The following GRIP1 variants were observed in gnomAD, a reference collection of about 807,000 sequenced individuals.
The protein encoded by GRIP1 is glutamate receptor interacting protein 1, also known as glutamate receptor-interacting protein 1.
Under a neutral mutation model 129.9 loss-of-function variants are expected in GRIP1, and 45 were observed. The ratio of observed to expected loss-of-function variants is 0.35; its 90% CI spans 0.27 to 0.44. The LOEUF (loss-of-function observed/expected upper bound fraction) is 0.44. GRIP1 is among the 20% of genes least tolerant of loss of function. GRIP1 has a pLI of 1.00. For missense variants in GRIP1, 1,196 were observed against 1,396.8 expected (o/e 0.86, Z 2.29); for synonymous variants, 530 against 520.8 (o/e 1.02, Z -0.24).
chr12:66,564,908 G>T (rs1054365363), intron 2 of GRIP1, among the ~76,000 whole-genome samples: 3 of 152,206 alleles, frequency 2.0e-5, no homozygotes, highest in African/African-American at 7.2e-5. Context: ...TGTGCCTGTT[G>T]GCTACAGAAA....
At chr12:66,563,195 T>C (rs115757391) in intron 2 of GRIP1, among the ~76,000 whole-genome samples, 2,309 of 152,252 alleles carry the variant, frequency 0.015, 65 homozygotes, top group African/African-American at 0.053. Flanking sequence ...TGTGTATATA[T>C]ACACATATAA....
intron 1 of GRIP1, among the ~76,000 whole-genome samples, chr12:66,851,398 A>C (rs1162849258): frequency 1.3e-5 from 2 of 152,124 alleles, no homozygotes; most frequent in African/African-American, 4.8e-5. Flanking sequence ...CTGTCTATCC[A>C]AGAGCTCAGC....
intron 1 of GRIP1, among the ~76,000 whole-genome samples, chr12:66,649,607 A>C (rs1326856144): frequency 2.0e-5 from 3 of 152,252 alleles, no homozygotes; most frequent in African/African-American, 7.2e-5. Flanking sequence ...TAACCCAAGG[A>C]AAGGCATGCT....
At chr12:67,044,899 T>G (rs1019365746) in intron 1 of GRIP1, among the ~76,000 whole-genome samples, 3 of 152,240 alleles carry the variant, frequency 2.0e-5, no homozygotes, top group African/African-American at 7.2e-5. Context: ...CAGAATGCTT[T>G]ATATATGTTA....
At chr12:66,587,599 C>CGAGT (rs1314737442) in intron 2 of GRIP1, among the ~76,000 whole-genome samples, 1 of 152,152 alleles carries the variant, frequency 6.6e-6, no homozygotes. Flanking sequence ...GACTGCTCAA[C>CGAGT]GAGTAACTGT....
Position 67,009,896 on chromosome 12 carries a change from G to A in GRIP1, c.58+59154C>T, listed in dbSNP as rs566390093. ...ATATCAGGGCCCATCACATACACCA[G>A]CATTTCAACAGTTCTCATCCCAATT... On this transcript the variant is annotated intron_variant, in intron 1 of 1. Coordinates refer to the GRIP1 transcript ENST00000643019. 3.9e-5 allele frequency among the ~76,000 whole-genome samples: 6 copies of A among 152,162 alleles called. No homozygotes were observed. In the South Asian group the frequency reaches 1.2e-3, roughly 32 times the overall value.
In GRIP1 at chr12:66,448,646, C is replaced by T. The variant is rs41422145; in HGVS notation, c.1355-3138G>A. On this transcript the variant is annotated intron_variant, in intron 11 of 24. Coordinates refer to ENST00000359742, the MANE Select transcript of GRIP1 (RefSeq NM_001366722.1). ...AATGGATATCCCATCCACAAACTGT[C>T]TCATTGGCTCCTCAAACTCAATGTT... 0.018 allele frequency among the ~76,000 whole-genome samples: 2,676 copies of T among 152,260 alleles called. 120 individuals are homozygous for T. The East Asian group carries it at 0.19, about 11-fold the overall frequency.
At chr12:66,464,858 A>G (rs1426196593) in intron 8 of GRIP1, among the ~76,000 whole-genome samples, 1 of 151,698 alleles carries the variant, frequency 6.6e-6, no homozygotes, top group African/African-American at 2.4e-5. Context: ...GCATGTGTAT[A>G]TGTGTATTAC....
intron 7 of GRIP1, among the ~76,000 whole-genome samples, chr12:66,503,649 G>A (rs1282982476): frequency 3.3e-5 from 5 of 152,058 alleles, no homozygotes; most frequent in African/African-American, 9.7e-5. Context: ...ATACGGATTC[G>A]CCACTGGTAA....
intron 1 of GRIP1, among the ~76,000 whole-genome samples, chr12:66,843,777 C>A (rs1835567251): frequency 6.7e-6 from 1 of 150,138 alleles, no homozygotes; most frequent in Admixed American, 6.7e-5. Flanking sequence ...TGGACTCTTA[C>A]CTTACACCAT....
rs867600266 is a variant in GRIP1 at position 66,447,465 on chromosome 12, A to G, written c.1355-1957T>C. On this transcript the variant is annotated intron_variant, in intron 11 of 24. Coordinates refer to ENST00000359742, the MANE Select transcript of GRIP1 (RefSeq NM_001366722.1). ...GTCTCAAATGTTTCTACCCTAAATC[A>G]TGGTCAAATGTTACTCCTCATTTCC... 3.3e-5 allele frequency among the ~76,000 whole-genome samples: 5 copies of G among 152,314 alleles called. No individual in the cohort carries two copies. The South Asian group carries it at 8.3e-4, about 25-fold the overall frequency.
At chr12:66,528,137 T>A (rs141367800) in intron 5 of GRIP1, among the ~76,000 whole-genome samples, 1 of 98,144 alleles carries the variant, frequency 1.0e-5, no homozygotes, top group Non-Finnish European at 2.1e-5. Flanking sequence ...TTAGTAGGTT[T>A]TTTTTTTTTT....
At chr12:66,809,404 T>C (rs2039059461) in intron 1 of GRIP1, among the ~76,000 whole-genome samples, 1 of 152,218 alleles carries the variant, frequency 6.6e-6, no homozygotes, top group Non-Finnish European at 1.5e-5. Flanking sequence ...ATTAAATTAA[T>C]CTGGCCCTTT....
intron 1 of GRIP1, among the ~76,000 whole-genome samples, chr12:67,002,400 T>C (rs1210508326): frequency 6.6e-6 from 1 of 152,204 alleles, no homozygotes; most frequent in Non-Finnish European, 1.5e-5. Flanking sequence ...GAATAGGTAG[T>C]AAACACTGCA....
intron 14 of GRIP1, among the ~76,000 whole-genome samples, chr12:66,427,356 T>C (rs1355552699): frequency 2.0e-5 from 3 of 152,014 alleles, no homozygotes; most frequent in African/African-American, 7.2e-5. Context: ...AGCTACTGTC[T>C]TTTAGAAACA....
chr12:66,659,819 A>G (rs2033388788), intron 1 of GRIP1, among the ~76,000 whole-genome samples: 1 of 152,150 alleles, frequency 6.6e-6, no homozygotes, highest in South Asian at 2.1e-4. Context: ...GTTGCCATGC[A>G]ATTCTCTTGT....
intron 1 of GRIP1, among the ~76,000 whole-genome samples, chr12:67,006,438 A>G (rs2042627591): frequency 6.6e-6 from 1 of 152,048 alleles, no homozygotes; most frequent in Non-Finnish European, 1.5e-5. Context: ...GGTGGTGCAC[A>G]TCTATAGTCC....
intron 1 of GRIP1, among the ~76,000 whole-genome samples, chr12:66,959,402 G>A (rs575682069): frequency 7.2e-5 from 11 of 152,130 alleles, no homozygotes; most frequent in Admixed American, 2.0e-4. Flanking sequence ...AAAAAAAAGC[G>A]GGTGATGTAT....
intron 1 of GRIP1, among the ~76,000 whole-genome samples, chr12:66,727,026 C>T (rs1007659442): frequency 5.3e-5 from 8 of 152,110 alleles, no homozygotes; most frequent in Non-Finnish European, 1.0e-4. Context: ...CTTCTAAATA[C>T]GATAAAAATA....
Sources: allele counts gnomAD v4.1 joint callset (sites outside exome capture counted in the v4.1 genomes callset), GRCh38; gene constraint gnomAD v4.1.1; transcripts MANE v1.5; gene names NCBI Gene and HGNC (gene_info 2026-07-23, HGNC 2026-07-21).